CASQ2: variants seen among roughly 807,000 people sequenced by gnomAD.
The protein encoded by CASQ2 is calsequestrin 2.
In CASQ2, 49 loss-of-function variants were observed where a neutral mutation model predicts 46.5. That is an observed-to-expected ratio of 1.05 (90% CI 0.84 to 1.34). The LOEUF is 1.34. CASQ2 is among the 40% of genes most tolerant of loss of function. The probability of loss-of-function intolerance (pLI) is 0.00; values close to 1 mark genes in which losing one functional copy is unlikely to be tolerated. For missense variants in CASQ2, 486 were observed against 481.3 expected (o/e 1.01, Z -0.09); for synonymous variants, 174 against 168.5 (o/e 1.03, Z -0.25).
chr1:115,719,839 G>C (rs994332242), intron 7 of CASQ2, among the ~76,000 whole-genome samples: 1 of 152,050 alleles, frequency 6.6e-6, no homozygotes, highest in Admixed American at 6.6e-5. Flanking sequence ...TCTCTCATTT[G>C]GTCTTTAGGT....
chr1:115,741,116 T>G (rs1161135166), intron 2 of CASQ2, among the ~76,000 whole-genome samples: 2 of 152,208 alleles, frequency 1.3e-5, no homozygotes, highest in African/African-American at 4.8e-5. Context: ...GCTGATCCCA[T>G]GTCATTCTCT....
intron 8 of CASQ2, among the ~76,000 whole-genome samples, chr1:115,706,417 G>C (rs976002569): frequency 6.6e-6 from 1 of 152,174 alleles, no homozygotes; most frequent in African/African-American, 2.4e-5. Flanking sequence ...CCATGGAGTT[G>C]TCTTGTCATT....
intron 3 of CASQ2, among the ~76,000 whole-genome samples, chr1:115,738,834 T>C (rs1648054990): frequency 1.3e-5 from 2 of 152,132 alleles, no homozygotes; most frequent in Non-Finnish European, 2.9e-5. Context: ...TTATTTCTCC[T>C]GTCTAATTGA....
intron 4 of CASQ2, among the ~76,000 whole-genome samples, chr1:115,737,719 G>A (rs1648012003): frequency 6.6e-6 from 1 of 152,210 alleles, no homozygotes; most frequent in Non-Finnish European, 1.5e-5. Context: ...GTCCAAGGGT[G>A]TGGCTGCACT....
intron 8 of CASQ2, among the ~76,000 whole-genome samples, chr1:115,714,647 T>C (rs1479127410): frequency 3.3e-5 from 5 of 152,348 alleles, no homozygotes; most frequent in South Asian, 2.1e-4. Flanking sequence ...TTCCTAGTCC[T>C]GCAGTCAGGC....
At chr1:115,753,086 A>G (rs966720707) in intron 1 of CASQ2, among the ~76,000 whole-genome samples, 1 of 152,250 alleles carries the variant, frequency 6.6e-6, no homozygotes, top group Non-Finnish European at 1.5e-5. Flanking sequence ...GCAGGAGGGC[A>G]TGACAGAACT....
At chr1:115,708,200 C>T (rs1654423393) in intron 8 of CASQ2, among the ~76,000 whole-genome samples, 1 of 152,108 alleles carries the variant, frequency 6.6e-6, no homozygotes, top group Admixed American at 6.5e-5. Context: ...GGCTTAATGC[C>T]CATTTTCAAG....
chr1:115,711,592 G>GTT (rs144324637), intron 8 of CASQ2, among the ~76,000 whole-genome samples: 3 of 144,454 alleles, frequency 2.1e-5, no homozygotes, highest in Non-Finnish European at 4.5e-5. Flanking sequence ...CTCATTTTAA[G>GTT]ATTTTTTTTT....
At chr1:115,702,839 G>T in intron 10 of CASQ2, 82 bp downstream of exon 10, 1 of 1,088,242 alleles carries the variant, frequency 9.2e-7, no homozygotes, top group Non-Finnish European at 1.4e-6. Context: ...GGCTACTATA[G>T]ATGCTCTCAC....
chr1:115,753,476 C>T (rs1021301494), intron 1 of CASQ2, among the ~76,000 whole-genome samples: 1 of 144,228 alleles, frequency 6.9e-6, no homozygotes, highest in Non-Finnish European at 1.5e-5. Context: ...TCACGGGTGA[C>T]CTTTTAGAGA....
chr1:115,767,300 G>A (rs532834726), intron 1 of CASQ2, among the ~76,000 whole-genome samples: 1 of 152,138 alleles, frequency 6.6e-6, no homozygotes, highest in African/African-American at 2.4e-5. Flanking sequence ...CCCAAGGTTG[G>A]AGATATACTT....
In CASQ2 at chr1:115,725,558, A is replaced by AAAAAAG; in HGVS notation, c.738-6_738-5insCTTTTT. 1 of 79,336 alleles carries AAAAAAG rather than the reference A, an allele frequency of 1.3e-5. No individual in the cohort carries two copies. The highest frequency in any genetic ancestry group is 2.1e-5 in the Non-Finnish European group (1 of 47,440). The allele number at this position is 79,336 out of a possible 1,614,324, so 4.9% of individuals were successfully genotyped here. On this transcript the variant is annotated splice_region_variant and splice_polypyrimidine_tract_variant and intron_variant, in intron 6 of 10. Coordinates refer to ENST00000261448, the MANE Select transcript of CASQ2 (RefSeq NM_001232.4). ...CGCAGGCGACGTAGAGTGGGTCTGG[A>AAAAAAG]AAAAAAAAAAAAAAAAAAAAAAGAA...
At chr1:115,755,952 C>T (rs1648745385) in intron 1 of CASQ2, among the ~76,000 whole-genome samples, 1 of 151,988 alleles carries the variant, frequency 6.6e-6, no homozygotes, top group African/African-American at 2.4e-5. Flanking sequence ...TGCCAATAGT[C>T]GTTTATGTGT....
rs139325555 is a variant in CASQ2 at position 115,750,677 on chromosome 1, T to C, written c.235-5765A>G. On this transcript the variant is annotated intron_variant, in intron 1 of 10. Coordinates refer to ENST00000261448, the MANE Select transcript of CASQ2 (RefSeq NM_001232.4). ...GCCTGCACCAACACACTTGGCTAATTGTCTAAGTTTTGTCGAGATAGGGTC... is the reference window on the plus strand; with the variant it reads ...GCCTGCACCAACACACTTGGCTAATCGTCTAAGTTTTGTCGAGATAGGGTC... Among the ~76,000 whole-genome samples the C allele has an allele frequency of 7.5e-3, 1,145 of 152,164 alleles. 48 individuals are homozygous for C. The highest frequency in any genetic ancestry group is 0.068 in the Admixed American group (1,045 of 15,276).
At chr1:115,709,618 C>A (rs1654479504) in intron 8 of CASQ2, among the ~76,000 whole-genome samples, 1 of 152,198 alleles carries the variant, frequency 6.6e-6, no homozygotes, top group Non-Finnish European at 1.5e-5. Context: ...GAGACCCCCG[C>A]AACCCAGACA....
At position 115,749,584 on chromosome 1, in the gene CASQ2, C is replaced by T. The variant is rs148050944; in HGVS notation, c.235-4672G>A. 1.8e-3 allele frequency among the ~76,000 whole-genome samples: 277 copies of T among 152,296 alleles called. 1 individual carries two copies. Among genetic ancestry groups the T allele is most frequent in the African/African-American group, 6.4e-3 (268 of 41,558 alleles). On this transcript the variant is annotated intron_variant, in intron 1 of 10. Transcript: ENST00000261448. ...CCAGAATTCCCATCACTCTTGCCTC[C>T]CACGCTGATAAGACCCAAAACTTGC...
intron 1 of CASQ2, among the ~76,000 whole-genome samples, chr1:115,765,600 A>T (rs936774510): frequency 5.3e-5 from 8 of 152,164 alleles, no homozygotes; most frequent in African/African-American, 1.4e-4. Flanking sequence ...TAGAAAAAAA[A>T]ATTTAATTCC....
Position 115,725,505 on chromosome 1 carries a change from T to A in CASQ2, c.783+3A>T, listed in dbSNP as rs876657751. On this transcript the variant is annotated splice_donor_region_variant and intron_variant, in intron 7 of 10. Transcript: ENST00000261448. ...AGGCAAAGAGAGTTTGCCTCTTTCTTACCCATGTTTCAAACATTTCTTCTG... is the reference window on the plus strand; with the variant it reads ...AGGCAAAGAGAGTTTGCCTCTTTCTAACCCATGTTTCAAACATTTCTTCTG... 2 of 1,610,140 alleles carry A rather than the reference T, an allele frequency of 1.2e-6. No individual in the cohort carries two copies. The highest frequency in any genetic ancestry group is 1.7e-6 in the Non-Finnish European group (2 of 1,179,372).
intron 7 of CASQ2, among the ~76,000 whole-genome samples, chr1:115,722,536 A>G (rs1427210467): frequency 6.6e-6 from 1 of 152,182 alleles, no homozygotes; most frequent in Non-Finnish European, 1.5e-5. Flanking sequence ...ACAGGAAGGA[A>G]AGACCTGGGA....
Sources: allele counts gnomAD v4.1 joint callset (sites outside exome capture counted in the v4.1 genomes callset), GRCh38; gene constraint gnomAD v4.1.1; transcripts MANE v1.5; gene names NCBI Gene and HGNC (gene_info 2026-07-23, HGNC 2026-07-21).